Variants in ERMN observed in about 807,000 individuals in gnomAD.
ERMN encodes ermin, also known as ermin, ERM-like protein.
A neutral mutation model predicts 21.4 loss-of-function variants in ERMN; 17 were observed. The observed-to-expected ratio is 0.80, with a 90% CI of 0.54 to 1.19. ERMN has a LOEUF of 1.19. ERMN is among the 50% of genes most tolerant of loss of function. ERMN has a pLI of 0.00. For missense variants in ERMN, 348 were observed against 331.6 expected, an observed-to-expected ratio of 1.05 and a Z score of -0.38; for synonymous variants, 115 against 111.9, an observed-to-expected ratio of 1.03 and a Z score of -0.17.
Position 157,321,437 on chromosome 2 carries a change from C to T in ERMN, c.689G>A (p.Ser230Asn), listed in dbSNP as rs753445141. ...AGGTGTCACAGCTTGGGAACTGGCA[C>T]TGCTCAGTGGGGAGTCCTCACTTGC... ...GDASEDSPLS[S>N]ASSQAVTPDE... The change falls in exon 3 of 3, where the codon AGT (serine) becomes AAT (asparagine). Residue 230 changes from serine to asparagine, a missense_variant. Coordinates refer to ENST00000410096, the MANE Select transcript of ERMN (RefSeq NM_020711.3). 1.2e-6 allele frequency: 2 copies of T among 1,614,172 alleles called. No homozygotes were observed. The highest frequency in any genetic ancestry group is 4.5e-5 in the East Asian group (2 of 44,886).
At chr2:157,326,438 T>G (rs929051889), upstream of ERMN, among the ~76,000 whole-genome samples, 2 of 152,204 alleles carry the variant, frequency 1.3e-5, no homozygotes, top group African/African-American at 4.8e-5. Flanking sequence ...CTCTAGTTTA[T>G]GTCTGCTGAA....
At position 157,319,177 on chromosome 2, in the gene ERMN, T is replaced by G. The variant is rs1683804171; in HGVS notation, c.*2094A>C. 6.6e-6 allele frequency: 1 copy of G among 152,226 alleles called. No individual in the cohort carries two copies. The allele number at this position is 152,226 out of a possible 1,614,324, so 9.4% of individuals were successfully genotyped here. ...TGGACACCAATGCCAAAGAATAGTT[T>G]CAGGGTTTTTTTGCAAAAACATTGT... is the stretch of plus-strand genomic sequence containing the variant. On this transcript the variant is annotated 3_prime_UTR_variant, in exon 3 of 3. Coordinates refer to ENST00000410096, the MANE Select transcript of ERMN (RefSeq NM_020711.3).
rs554539666 is a variant in ERMN, at chr2:157,321,638, C to G, written c.488G>C (p.Arg163Pro). Residue 163 changes from arginine to proline, a missense_variant, in exon 3 of 3, where the codon CGA becomes CCA. Transcript: ENST00000410096. ...QAAEIEWLGF[R>P]KPSQADMLHS... ...TAACATGTCAGCTTGGCTAGGTTTT[C>G]GAAATCCCAGCCATTCAATTTCAGC... 6.2e-7 allele frequency: 1 copy of G among 1,614,088 alleles called. No individual in the cohort carries two copies. Among genetic ancestry groups the G allele is most frequent in the East Asian group, 2.2e-5 (1 of 44,882 alleles).
chr2:157,321,872 T>A (rs1002336713), intron 2 of ERMN, 81 bp from the exon 3 acceptor site: 4 of 1,265,592 alleles, frequency 3.2e-6, no homozygotes, highest in Non-Finnish European at 4.3e-6. Flanking sequence ...TCCAAATAAT[T>A]TTTCTTGCTA....
In ERMN at chr2:157,319,637, A is replaced by C. The variant is rs1465150253; in HGVS notation, c.*1634T>G. On this transcript the variant is annotated 3_prime_UTR_variant, in exon 3 of 3. Transcript: ENST00000410096. ...CAATCTTCTCCCTAACTTTATCAAT[A>C]AAGACCTGATTTCCCTCACTTTATT... 2.6e-5 allele frequency: 4 copies of C among 152,224 alleles called. No homozygotes were observed. The East Asian group carries it at 7.7e-4, about 29-fold the overall frequency. 9.4% of individuals were successfully genotyped at this position (152,224 alleles called of 1,614,324 possible). A position where few individuals can be genotyped will look rare whatever the true frequency, so the allele number is the denominator to read the frequency against.
chr2:157,327,013 G>A (rs1684082286), upstream of ERMN, among the ~76,000 whole-genome samples: 1 of 151,460 alleles, frequency 6.6e-6, no homozygotes, highest in African/African-American at 2.4e-5. Flanking sequence ...CATCTGGCTT[G>A]GAATAGTAGC....
intron 2 of ERMN, among the ~76,000 whole-genome samples, chr2:157,322,233 TACAC>T (rs60818980): frequency 4.8e-5 from 7 of 145,460 alleles, no homozygotes; most frequent in African/African-American, 7.6e-5. Context: ...TTCTCACACA[TACAC>T]ACACACACGC....
In ERMN at chr2:157,325,476, C is replaced by A; in HGVS notation, c.167G>T (p.Gly56Val). Residue 56 changes from glycine to valine, a missense_variant, in exon 1 of 3, where the codon GGA (glycine) becomes GTA (valine). Coordinates refer to ENST00000410096, the MANE Select transcript of ERMN (RefSeq NM_020711.3). ...TAATTTTCTTCTTTCCTCCTGACTTCCTTTGGTGAGTGCACCTTCCAGACT... is the reference window on the plus strand; with the variant it reads ...TAATTTTCTTCTTTCCTCCTGACTTACTTTGGTGAGTGCACCTTCCAGACT... ...EPSLEGALTK[G>V]SQEERRKLQG... 6.2e-7 allele frequency: 1 copy of A among 1,614,154 alleles called. No homozygotes were observed. The highest frequency in any genetic ancestry group is 8.5e-7 in the Non-Finnish European group (1 of 1,180,010).
chr2:157,325,570 T>C lies in ERMN; in HGVS notation c.73A>G (p.Thr25Ala). ...AATTCCTCACTGATTTTAGTGATTG[T>C]TTGTTGACCGTTTTCAGGTGGTTTA... ...GDKPPENGQQ[T>A]ITKISEELTD... Residue 25 changes from threonine to alanine, a missense_variant, in exon 1 of 3, where the codon ACA becomes GCA. By Grantham distance (58) the Thr-to-Ala change is moderately conservative. Coordinates refer to ENST00000410096, the MANE Select transcript of ERMN (RefSeq NM_020711.3). 1 of 1,614,166 alleles carries C rather than the reference T, an allele frequency of 6.2e-7. No homozygotes were observed. Among genetic ancestry groups the C allele is most frequent in the Non-Finnish European group, 8.5e-7 (1 of 1,180,014 alleles).
rs929557703 is a variant in ERMN at position 157,319,083 on chromosome 2, A to C, written c.*2188T>G. 1 of 151,988 alleles carries C rather than the reference A, an allele frequency of 6.6e-6. No homozygotes were observed. Among genetic ancestry groups the C allele is most frequent in the Admixed American group, 6.6e-5 (1 of 15,254 alleles). 9.4% of individuals were successfully genotyped at this position (151,988 alleles called of 1,614,324 possible). A position where few individuals can be genotyped will look rare whatever the true frequency, so the allele number is the denominator to read the frequency against. ...ACCATTATGTTACCTGAGGTCACTT[A>C]ACTCTGTGGCTTTCAACTCTGTGGC... On this transcript the variant is annotated 3_prime_UTR_variant, in exon 3 of 3. Coordinates refer to ENST00000410096, the MANE Select transcript of ERMN (RefSeq NM_020711.3).
rs758388147 is a variant in ERMN at position 157,321,274 on chromosome 2, T to A, written c.852A>T (p.Leu284Phe). 1.9e-6 allele frequency: 3 copies of A among 1,611,692 alleles called. No homozygotes were observed. The highest frequency in any genetic ancestry group is 2.5e-6 in the Non-Finnish European group (3 of 1,178,522). ...RIDEFESMMH[L>F] ...GAATTTCTCAGTTCCAGTTAGTTTA[T>A]AAATGCATCATAGACTCGAATTCAT... Residue 284 changes from leucine to phenylalanine, a missense_variant, in exon 3 of 3, where the codon TTA becomes TTT. Physicochemically the swap from Leu to Phe is conservative, Grantham distance 22 (BLOSUM62 0). Transcript: ENST00000410096.
chr2:157,322,246 GCACACACACACACA>G (rs61536459), intron 2 of ERMN, among the ~76,000 whole-genome samples: 2 of 142,020 alleles, frequency 1.4e-5, no homozygotes, highest in Non-Finnish European at 3.1e-5. Flanking sequence ...ACACACACAC[GCACACACACACACA>G]CACACACACA....
At chr2:157,321,861 C>A in intron 2 of ERMN, 70 bp from the exon 3 acceptor site, 1 of 1,342,150 alleles carries the variant, frequency 7.5e-7, no homozygotes, top group Non-Finnish European at 1.0e-6. Context: ...GTCTGTTATT[C>A]TCCAAATAAT....
chr2:157,323,733 T>C (rs1683976738), intron 2 of ERMN, among the ~76,000 whole-genome samples: 1 of 151,348 alleles, frequency 6.6e-6, no homozygotes, highest in East Asian at 1.9e-4. Flanking sequence ...ACTGTTTAAA[T>C]GTAGGTGTCT....
chr2:157,323,038 T>G (rs1375932615), intron 2 of ERMN, among the ~76,000 whole-genome samples: 3 of 152,220 alleles, frequency 2.0e-5, no homozygotes, highest in African/African-American at 7.2e-5. Flanking sequence ...TTTTGAAGAT[T>G]TTATAGCTGT....
rs760768925 is a variant in ERMN at position 157,325,420 on chromosome 2, C to T, written c.223G>A (p.Glu75Lys). 1.4e-5 allele frequency: 22 copies of T among 1,613,938 alleles called. No individual in the cohort carries two copies. Among genetic ancestry groups the T allele is most frequent in the Non-Finnish European group, 1.8e-5 (21 of 1,180,000 alleles). Residue 75 changes from glutamate (E) to lysine (K), a missense_variant, in exon 1 of 3, where the codon GAG becomes AAG. Physicochemically the swap from Glu to Lys is moderately conservative, Grantham distance 56. Coordinates refer to ENST00000410096, the MANE Select transcript of ERMN (RefSeq NM_020711.3). The part of the protein sequence containing the change: ...QGNMLLNSSM[E>K]DKMLKENPEE... ...ACTTTACCTTTTAGCATTTTGTCCT[C>T]CATGGATGAGTTGAGCAGCATGTTC... is the stretch of plus-strand genomic sequence containing the variant.
In ERMN at chr2:157,321,119, G is replaced by A. The variant is rs1212133132; in HGVS notation, c.*152C>T. The A allele has an allele frequency of 1.7e-6, 2 of 1,159,730 alleles. No individual in the cohort carries two copies. Among genetic ancestry groups the A allele is most frequent in the Non-Finnish European group, 2.4e-6 (2 of 845,728 alleles). 71.8% of individuals were successfully genotyped at this position (1,159,730 alleles called of 1,614,324 possible). A position where few individuals can be genotyped will look rare whatever the true frequency, so the allele number is the denominator to read the frequency against. On this transcript the variant is annotated 3_prime_UTR_variant, in exon 3 of 3. Coordinates refer to ENST00000410096, the MANE Select transcript of ERMN (RefSeq NM_020711.3). ...GTTATCAGACTGAATTTTTATCTAG[G>A]GTTATTTCCACATTATTCTACAGTG...
Position 157,321,445 on chromosome 2 carries a change from TG to T in ERMN, c.680del (p.Pro227HisfsTer2). 6.2e-7 allele frequency: 1 copy of T among 1,614,168 alleles called. No individual in the cohort carries two copies. The highest frequency in any genetic ancestry group is 8.5e-7 in the Non-Finnish European group (1 of 1,180,010). ...CAGCTTGGGAACTGGCACTGCTCAG[TG>T]GGGAGTCCTCACTTGCATCACCTTC... ...KEEGDASEDS[P>X]LSSASSQAVT... On this transcript the variant is annotated frameshift_variant, in exon 3 of 3. Transcript: ENST00000410096. LOFTEE classifies it high-confidence loss of function.
rs1683844364 is a variant in ERMN, at chr2:157,320,122, T to C, written c.*1149A>G. 6.6e-6 allele frequency: 1 copy of C among 152,368 alleles called. No homozygotes were observed. The highest frequency in any genetic ancestry group is 1.5e-5 in the Non-Finnish European group (1 of 68,000). 9.4% of individuals were successfully genotyped at this position (152,368 alleles called of 1,614,324 possible). A position where few individuals can be genotyped will look rare whatever the true frequency, so the allele number is the denominator to read the frequency against. ...GGAACAAACTATCTAAGAATATAAA[T>C]ATAGTCTCTCTTTTCATAAATATTC... On this transcript the variant is annotated 3_prime_UTR_variant, in exon 3 of 3. Coordinates refer to ENST00000410096, the MANE Select transcript of ERMN (RefSeq NM_020711.3).
Sources: gnomAD v4.1 joint callset for allele counts (sites outside exome capture counted in the v4.1 genomes callset) on GRCh38, gnomAD v4.1.1 for gene constraint, MANE v1.5 for transcripts, NCBI Gene and HGNC (gene_info 2026-07-23, HGNC 2026-07-21) for gene names.